Variants in RSPH14 observed in about 807,000 individuals in gnomAD.
The protein encoded by RSPH14 is radial spoke head 14 homolog.
RSPH14 carries 20 observed loss-of-function variants against 26.7 expected under a neutral mutation model. The observed-to-expected ratio is 0.75, with a 90% CI of 0.53 to 1.09. The LOEUF is 1.09. Among genes scored for constraint, RSPH14 ranks in the 50% least tolerant of loss-of-function variants. RSPH14 has a pLI of 0.00. For missense variants in RSPH14, 449 were observed against 457.2 expected, an observed-to-expected ratio of 0.98 and a Z score of 0.16; for synonymous variants, 177 against 189.3, an observed-to-expected ratio of 0.93 and a Z score of 0.53.
At chr22:23,170,691 C>T in the RSPH14 span, among the ~76,000 whole-genome samples, 1 of 152,050 alleles carries the variant, frequency 6.6e-6, no homozygotes, top group Non-Finnish European at 1.5e-5. Flanking sequence ...TGAGATCATG[C>T]CACTGCACTC....
intron 4 of RSPH14, chr22:23,125,105 C>G (rs1277591479): frequency 1.3e-5 from 2 of 152,226 alleles, no homozygotes; most frequent in Non-Finnish European, 2.9e-5. Context: ...GGAAGGGCAG[C>G]CGGGGACACC....
At chr22:23,137,476 A>G (rs8141175) in intron 3 of RSPH14, among the ~76,000 whole-genome samples, 4,016 of 151,966 alleles carry the variant, frequency 0.026, 176 homozygotes, top group African/African-American at 0.091. Context: ...GAGGCAGAAG[A>G]GTTTCAACCT....
chr22:23,120,473 C>T (rs888780805), intron 4 of RSPH14, among the ~76,000 whole-genome samples: 2 of 152,200 alleles, frequency 1.3e-5, no homozygotes, highest in Non-Finnish European at 2.9e-5. Context: ...CTTCAGATGA[C>T]CAGTACACGT....
chr22:23,137,827 A>G (rs1281334905), intron 3 of RSPH14: 1 of 196,826 alleles, frequency 5.1e-6, no homozygotes, highest in Non-Finnish European at 1.0e-5. Context: ...GAAAACTGGA[A>G]AACCTGCTAG....
At chr22:23,148,780 T>C (rs2070944189), upstream of RSPH14, among the ~76,000 whole-genome samples, 1 of 152,194 alleles carries the variant, frequency 6.6e-6, no homozygotes, top group African/African-American at 2.4e-5. Context: ...CTTCCAGCCA[T>C]CCTGTAATGA....
chr22:23,145,073 C>T (rs1335376500), upstream of RSPH14: 1 of 486,416 alleles, frequency 2.1e-6, no homozygotes, highest in East Asian at 3.3e-5. Flanking sequence ...GCAGGTCTAT[C>T]TTCTGCAGCT....
rs1226801504 is a variant in RSPH14 at position 23,071,887 on chromosome 22, A to C, written c.422-7754T>G. On this transcript the variant is annotated intron_variant, in intron 4 of 6. Transcript: ENST00000216036. The surrounding 1 kb of genome is among the most constrained non-coding windows in gnomAD (Gnocchi z 4.1). ...GCAGTTAGGTCTGATGGGAGCACTT[A>C]GCATGCCTGGGGAGTAGGAGGAGGT... Among the ~76,000 whole-genome samples, 1 of 152,160 alleles carries C rather than the reference A, an allele frequency of 6.6e-6. No homozygotes were observed. The highest frequency in any genetic ancestry group is 1.5e-5 in the Non-Finnish European group (1 of 68,030).
chr22:23,096,794 T>C (rs1197568155), intron 4 of RSPH14, among the ~76,000 whole-genome samples: 2 of 152,326 alleles, frequency 1.3e-5, no homozygotes, highest in East Asian at 3.9e-4. Flanking sequence ...CCATCTTGAG[T>C]CTGCAAATCT....
chr22:23,145,946 TC>T (rs2070747600), upstream of RSPH14: 1 of 984,306 alleles, frequency 1.0e-6, no homozygotes, highest in Non-Finnish European at 1.2e-6. Flanking sequence ...CCTAGAGCCT[TC>T]GTCCTTTGCA....
chr22:23,152,596 C>T, the RSPH14 span: 8 of 1,432,738 alleles, frequency 5.6e-6, no homozygotes, highest in East Asian at 1.6e-4. Flanking sequence ...GCCTGGGTGG[C>T]CCAGATAATA....
chr22:23,060,952 C>G (rs2068082141), intron 6 of RSPH14, among the ~76,000 whole-genome samples: 1 of 152,188 alleles, frequency 6.6e-6, no homozygotes, highest in East Asian at 1.9e-4. Context: ...TGGGCTGAGG[C>G]TGCCCCAAGA....
the RSPH14 span, chr22:23,161,573 T>G: frequency 6.3e-7 from 1 of 1,599,530 alleles, no homozygotes; most frequent in African/African-American, 1.3e-5. Context: ...AACTGGGGCC[T>G]GCGTGGAAGG....
At chr22:23,122,805 A>G (rs2070069598) in intron 4 of RSPH14, 1 of 490,588 alleles carries the variant, frequency 2.0e-6, no homozygotes. Flanking sequence ...TGTAGCCCCA[A>G]AGCTATATGT....
chr22:23,156,024 G>T, the RSPH14 span: 1 of 1,612,198 alleles, frequency 6.2e-7, no homozygotes, highest in Non-Finnish European at 8.5e-7. Flanking sequence ...TACTACCGGG[G>T]TGCCCAGGGT....
At chr22:23,164,088 C>T in the RSPH14 span, 1 of 152,284 alleles carries the variant, frequency 6.6e-6, no homozygotes, top group Non-Finnish European at 1.5e-5. Context: ...TAAATGCAGC[C>T]TGTGGTCGGG....
At chr22:23,175,027 C>T in the RSPH14 span, among the ~76,000 whole-genome samples, 11 of 150,548 alleles carry the variant, frequency 7.3e-5, no homozygotes, top group Admixed American at 1.3e-4. Flanking sequence ...GACAGAGTCT[C>T]GCTCTGTCAC....
chr22:23,128,245 GTTT>G, intron 4 of RSPH14, among the ~76,000 whole-genome samples: 1 of 152,218 alleles, frequency 6.6e-6, no homozygotes, highest in East Asian at 1.9e-4. Context: ...AATGAAACCT[GTTT>G]TCTCATGGGG....
chr22:23,120,075 C>T (rs892967879), intron 4 of RSPH14, among the ~76,000 whole-genome samples: 5 of 152,182 alleles, frequency 3.3e-5, no homozygotes, highest in African/African-American at 7.2e-5. Context: ...GCCGCAGTGG[C>T]GGAATCCTGA....
At chr22:23,163,019 C>A in the RSPH14 span, 1 of 292,832 alleles carries the variant, frequency 3.4e-6, no homozygotes, top group South Asian at 3.1e-5. Flanking sequence ...TGAAGCGATT[C>A]TCCTGCCTCA....
Sources: allele counts gnomAD v4.1 joint callset (sites outside exome capture counted in the v4.1 genomes callset), GRCh38; gene constraint gnomAD v4.1.1; non-coding constraint Gnocchi (gnomAD v3.1); transcripts MANE v1.5; gene names NCBI Gene and HGNC (gene_info 2026-07-23, HGNC 2026-07-21).